The following TAFA2 variants were observed in gnomAD, a reference collection of about 807,000 sequenced individuals.
The protein encoded by TAFA2 is TAFA chemokine like family member 2.
A neutral mutation model predicts 18.8 loss-of-function variants in TAFA2; 7 were observed. The ratio of observed to expected loss-of-function variants is 0.37; its 90% CI spans 0.21 to 0.70. The LOEUF (loss-of-function observed/expected upper bound fraction) is 0.70. Ranked by LOEUF, TAFA2 falls within the 30% of genes least tolerant of loss-of-function variation. TAFA2 has a pLI of 0.53. For synonymous variants in TAFA2, 60 were observed against 54.2 expected (o/e 1.11, Z -0.47); for missense variants, 122 against 158.1 (o/e 0.77, Z 1.23).
chr12:61,880,809 G>A lies in TAFA2; in HGVS notation c.-1-13383C>T, dbSNP rs115049129. 1,922 of 321,862 alleles carry A rather than the reference G, an allele frequency of 6.0e-3. 36 individuals carry two copies. The highest frequency in any genetic ancestry group is 0.038 in the African/African-American group (1,746 of 46,230). 19.9% of individuals were successfully genotyped at this position (321,862 alleles called of 1,614,324 possible). On this transcript the variant is annotated intron_variant, in intron 1 of 4. Coordinates refer to ENST00000416284, the MANE Select transcript of TAFA2 (RefSeq NM_178539.5). The stretch of plus-strand genomic sequence containing the variant: ...AGCCCCTCCCACCCTACTCCCCCCT[G>A]CAGCTGCCCCAGAGCCCATGAGAGA...
intron 1 of TAFA2, among the ~76,000 whole-genome samples, chr12:62,071,567 C>G (rs1398483317): frequency 6.6e-6 from 1 of 152,030 alleles, no homozygotes; most frequent in African/African-American, 2.4e-5. Context: ...CATAGGGTGA[C>G]TCTGTCTTTA....
At chr12:62,029,704 A>G (rs1462530218) in intron 1 of TAFA2, among the ~76,000 whole-genome samples, 1 of 152,090 alleles carries the variant, frequency 6.6e-6, no homozygotes, top group Non-Finnish European at 1.5e-5. Context: ...TCATTAGTTA[A>G]GTACAGGTCA....
intron 1 of TAFA2, among the ~76,000 whole-genome samples, chr12:62,075,565 C>T (rs1387431142): frequency 2.0e-5 from 3 of 152,190 alleles, no homozygotes; most frequent in Non-Finnish European, 4.4e-5. Context: ...AGGAGTGAAG[C>T]TGCCAGTCAG....
chr12:62,234,485 A>G, intron 1 of TAFA2: 1 of 1,083,670 alleles, frequency 9.2e-7, no homozygotes. Flanking sequence ...AGATGGTCAG[A>G]CCTCATGAAC....
At chr12:62,123,939 A>G (rs1159842339) in intron 1 of TAFA2, among the ~76,000 whole-genome samples, 1 of 152,168 alleles carries the variant, frequency 6.6e-6, no homozygotes, top group Non-Finnish European at 1.5e-5. Context: ...AGGAGGTTAC[A>G]GAACTTATTC....
At chr12:61,749,241 C>A (rs1868890919) in intron 4 of TAFA2, among the ~76,000 whole-genome samples, 1 of 151,948 alleles carries the variant, frequency 6.6e-6, no homozygotes, top group Non-Finnish European at 1.5e-5. Flanking sequence ...CCACTGCACT[C>A]CAGCCTGAGC....
At chr12:61,955,628 AAAAAATATATATATATATATATATATAT>A (rs1565695138) in intron 1 of TAFA2, among the ~76,000 whole-genome samples, 4 of 18,826 alleles carry the variant, frequency 2.1e-4, no homozygotes, top group Non-Finnish European at 4.8e-4. Flanking sequence ...AAAAAAAAAA[AAAAAATATATATATATATATATATATAT>A]ATATATATAT....
At chr12:61,977,779 T>C (rs896390876) in intron 1 of TAFA2, among the ~76,000 whole-genome samples, 1 of 152,062 alleles carries the variant, frequency 6.6e-6, no homozygotes, top group Non-Finnish European at 1.5e-5. Context: ...GATAAATCAA[T>C]GCAAAACAGC....
chr12:62,021,443 C>T, intron 1 of TAFA2: 1 of 414,584 alleles, frequency 2.4e-6, no homozygotes, highest in Non-Finnish European at 4.6e-6. Flanking sequence ...CCCACCCTTT[C>T]CCCCAAGACC....
At chr12:62,162,305 G>A (rs1249769685) in intron 1 of TAFA2, among the ~76,000 whole-genome samples, 1 of 152,136 alleles carries the variant, frequency 6.6e-6, no homozygotes, top group East Asian at 1.9e-4. Context: ...AAACTTCTTA[G>A]CTAACACTGA....
chr12:61,988,965 G>C (rs1031659013), intron 1 of TAFA2, among the ~76,000 whole-genome samples: 7 of 152,176 alleles, frequency 4.6e-5, no homozygotes, highest in Admixed American at 2.0e-4. Context: ...TTGTGAGCAA[G>C]AGCAATTTTG....
At chr12:61,930,862 C>A (rs751615037) in intron 1 of TAFA2, among the ~76,000 whole-genome samples, 1 of 152,162 alleles carries the variant, frequency 6.6e-6, no homozygotes, top group Admixed American at 6.6e-5. Flanking sequence ...ATGGTACACA[C>A]GGGATTAGCA....
intron 1 of TAFA2, among the ~76,000 whole-genome samples, chr12:61,927,555 A>G (rs1877357066): frequency 6.6e-6 from 1 of 152,246 alleles, no homozygotes; most frequent in South Asian, 2.1e-4. Context: ...ATGGATAGGA[A>G]GAATCAATAT....
At chr12:62,240,464 A>ACTTAATGTAGTTTGT (rs2062857819) in intron 1 of TAFA2, among the ~76,000 whole-genome samples, 1 of 152,106 alleles carries the variant, frequency 6.6e-6, no homozygotes, top group African/African-American at 2.4e-5. Flanking sequence ...TGTATAGTAA[A>ACTTAATGTAGTTTGT]CTTAATGTAG....
chr12:61,763,362 C>A (rs1283980643), intron 2 of TAFA2, among the ~76,000 whole-genome samples: 1 of 151,972 alleles, frequency 6.6e-6, no homozygotes, highest in Non-Finnish European at 1.5e-5. Context: ...AAAGCAAATT[C>A]TCAACCAGAG....
At chr12:61,830,656 T>A (rs1344541270) in intron 2 of TAFA2, among the ~76,000 whole-genome samples, 2 of 151,960 alleles carry the variant, frequency 1.3e-5, no homozygotes, top group Admixed American at 1.3e-4. Flanking sequence ...ATGTATACTA[T>A]TCGAGTGATG....
intron 2 of TAFA2, among the ~76,000 whole-genome samples, chr12:61,865,249 T>C (rs1874304297): frequency 6.6e-6 from 1 of 152,202 alleles, no homozygotes; most frequent in Non-Finnish European, 1.5e-5. Flanking sequence ...GTCTGGGCTT[T>C]GTACCTAGGG....
chr12:61,924,279 C>T (rs912394914), intron 1 of TAFA2, among the ~76,000 whole-genome samples: 13 of 152,164 alleles, frequency 8.5e-5, no homozygotes, highest in Admixed American at 8.5e-4. Context: ...CCCCAAGACA[C>T]GTAATCGTCA....
chr12:61,863,120 C>T (rs1041298782), intron 2 of TAFA2, among the ~76,000 whole-genome samples: 1 of 152,150 alleles, frequency 6.6e-6, no homozygotes, highest in African/African-American at 2.4e-5. Flanking sequence ...AAAGGGGATA[C>T]GTTTACCAGA....
Sources: allele counts gnomAD v4.1 joint callset (sites outside exome capture counted in the v4.1 genomes callset), GRCh38; gene constraint gnomAD v4.1.1; transcripts MANE v1.5; gene names NCBI Gene and HGNC (gene_info 2026-07-23, HGNC 2026-07-21).